The following THSD4 variants were observed in gnomAD, a reference collection of about 807,000 sequenced individuals.
THSD4 encodes the protein thrombospondin type 1 domain containing 4, also known as thrombospondin type-1 domain-containing protein 4.
In THSD4, 69 loss-of-function variants were observed where a neutral mutation model predicts 119.0. The observed-to-expected ratio is 0.58, with a 90% CI of 0.48 to 0.71. The LOEUF (loss-of-function observed/expected upper bound fraction) is 0.71, where lower values mean the gene tolerates loss of function less well. Among genes scored for constraint, THSD4 ranks in the 30% least tolerant of loss-of-function variants. The pLI is 0.00. For missense variants in THSD4, 1,393 were observed against 1,391.1 expected (o/e 1.00, Z -0.02); for synonymous variants, 524 against 540.4 (o/e 0.97, Z 0.42).
chr15:71,268,461 T>G (rs2044488590), intron 6 of THSD4, among the ~76,000 whole-genome samples: 1 of 152,138 alleles, frequency 6.6e-6, no homozygotes, highest in African/African-American at 2.4e-5. Context: ...AAAGCAGTGT[T>G]GACAGGGAAA....
intron 7 of THSD4, among the ~76,000 whole-genome samples, chr15:71,531,895 C>G (rs1733576416): frequency 6.6e-6 from 1 of 152,204 alleles, no homozygotes; most frequent in Non-Finnish European, 1.5e-5. Flanking sequence ...ATTAGAATCC[C>G]TTGTGAACTT....
chr15:71,180,475 T>G (rs1022523039), intron 3 of THSD4, among the ~76,000 whole-genome samples: 1 of 152,212 alleles, frequency 6.6e-6, no homozygotes, highest in Admixed American at 6.5e-5. Flanking sequence ...GTGATGGATA[T>G]GTGCATTATC....
At chr15:71,585,803 C>A (rs372608697) in intron 7 of THSD4, among the ~76,000 whole-genome samples, 180 of 152,134 alleles carry the variant, frequency 1.2e-3, no homozygotes, top group African/African-American at 4.0e-3. Context: ...TGCCTCTTAA[C>A]TAGATAATTT....
intron 7 of THSD4, among the ~76,000 whole-genome samples, chr15:71,587,787 TAAAAAAAAAAAA>T (rs2049706249): frequency 9.5e-6 from 1 of 105,554 alleles, no homozygotes; most frequent in African/African-American, 3.6e-5. Context: ...AAAAAAAAAT[TAAAAAAAAAAAA>T]GAAAAAAAAA....
intron 8 of THSD4, among the ~76,000 whole-genome samples, chr15:71,680,391 C>G (rs1300311794): frequency 2.0e-5 from 3 of 152,162 alleles, no homozygotes; most frequent in Admixed American, 2.0e-4. Flanking sequence ...TTAATTATCC[C>G]TAACAAATCA....
At chr15:71,576,676 C>T (rs2049453506) in intron 7 of THSD4, among the ~76,000 whole-genome samples, 1 of 152,154 alleles carries the variant, frequency 6.6e-6, no homozygotes, top group Non-Finnish European at 1.5e-5. Context: ...AGTGATTCTC[C>T]TGCCTCAGTG....
At chr15:71,382,207 T>C (rs2046237567) in intron 6 of THSD4, among the ~76,000 whole-genome samples, 1 of 152,110 alleles carries the variant, frequency 6.6e-6, no homozygotes, top group African/African-American at 2.4e-5. Flanking sequence ...AAAGACAACA[T>C]GAAGGACAGG....
rs139014276 is a variant in THSD4, at chr15:71,629,944, C to T, written c.1153-30586C>T. ...GAGGCGCCTTTGTACCCGCAAGCCACGTGGCCAGGCCCTTGTGTGCTCAGA... is the reference window on the plus strand; with the variant it reads ...GAGGCGCCTTTGTACCCGCAAGCCATGTGGCCAGGCCCTTGTGTGCTCAGA... On this transcript the variant is annotated intron_variant, in intron 7 of 17. Coordinates refer to ENST00000261862, the MANE Select transcript of THSD4 (RefSeq NM_024817.3). 3.9e-3 allele frequency among the ~76,000 whole-genome samples: 590 copies of T among 152,304 alleles called. 6 individuals are homozygous for T. Among genetic ancestry groups the T allele is most frequent in the African/African-American group, 7.2e-3 (301 of 41,564 alleles).
chr15:71,180,156 T>TAAAAAAAAAAAAAAAAA (rs766375226), intron 3 of THSD4, among the ~76,000 whole-genome samples: 1 of 22,828 alleles, frequency 4.4e-5, no homozygotes, highest in African/African-American at 6.2e-5. Flanking sequence ...AAAAAAACAT[T>TAAAAAAAAAAAAAAAAA]AAAAAAAAAA....
chr15:71,227,580 A>G (rs1296467716), intron 4 of THSD4, among the ~76,000 whole-genome samples: 7 of 152,232 alleles, frequency 4.6e-5, no homozygotes, highest in Admixed American at 1.3e-4. Flanking sequence ...TGCAGGACCT[A>G]CTATGTGCCA....
intron 1 of THSD4, among the ~76,000 whole-genome samples, chr15:71,109,625 G>A (rs1172392533): frequency 6.6e-6 from 1 of 152,066 alleles, no homozygotes; most frequent in Non-Finnish European, 1.5e-5. Flanking sequence ...CAATGGCGGT[G>A]TAGTGTTTGG....
intron 7 of THSD4, among the ~76,000 whole-genome samples, chr15:71,536,133 A>T (rs1387154844): frequency 2.0e-5 from 3 of 152,184 alleles, no homozygotes; most frequent in African/African-American, 7.2e-5. Context: ...GCATCAGATA[A>T]CAAATTTATT....
chr15:71,099,631 AT>A (rs1187057509), intron 1 of THSD4, among the ~76,000 whole-genome samples: 2 of 152,014 alleles, frequency 1.3e-5, no homozygotes, highest in Non-Finnish European at 2.9e-5. Context: ...TTCTTTCCAT[AT>A]TTTAATTTTT....
intron 6 of THSD4, among the ~76,000 whole-genome samples, chr15:71,310,706 A>G (rs1567190841): frequency 6.6e-6 from 1 of 152,160 alleles, no homozygotes; most frequent in Non-Finnish European, 1.5e-5. Flanking sequence ...CAGTTTTTAC[A>G]CAGAAAAGCA....
At chr15:71,302,247 AC>A (rs1416470802) in intron 6 of THSD4, among the ~76,000 whole-genome samples, 19 of 152,262 alleles carry the variant, frequency 1.2e-4, no homozygotes, top group Middle Eastern at 3.4e-3. Context: ...TGGAGAGCAC[AC>A]CAGAGGTGGC....
At chr15:71,207,567 G>T (rs999189537) in intron 3 of THSD4, among the ~76,000 whole-genome samples, 1 of 152,204 alleles carries the variant, frequency 6.6e-6, no homozygotes, top group Non-Finnish European at 1.5e-5. Context: ...CCTGGGCTGT[G>T]GACCAGTACT....
chr15:71,695,608 G>C (rs2052149958), intron 8 of THSD4, among the ~76,000 whole-genome samples: 1 of 151,964 alleles, frequency 6.6e-6, no homozygotes, highest in Admixed American at 6.6e-5. Context: ...TTCTCCCTTA[G>C]TGAAGGGACA....
At chr15:71,754,063 C>A (rs891682446) in intron 14 of THSD4, among the ~76,000 whole-genome samples, 1 of 145,684 alleles carries the variant, frequency 6.9e-6, no homozygotes, top group African/African-American at 2.5e-5. Flanking sequence ...AACTGAAATT[C>A]TGTTTACCTT....
intron 3 of THSD4, among the ~76,000 whole-genome samples, chr15:71,192,629 T>G (rs2043682295): frequency 6.6e-6 from 1 of 152,118 alleles, no homozygotes; most frequent in Admixed American, 6.5e-5. Context: ...TTTTTCCAGG[T>G]ATTTCAGCAT....
Sources: allele counts gnomAD v4.1 joint callset (sites outside exome capture counted in the v4.1 genomes callset), GRCh38; gene constraint gnomAD v4.1.1; transcripts MANE v1.5; gene names NCBI Gene and HGNC (gene_info 2026-07-23, HGNC 2026-07-21).